BRSK2: variants seen among roughly 807,000 people sequenced by gnomAD.
BRSK2 encodes the protein BR serine/threonine kinase 2.
BRSK2 carries 19 observed loss-of-function variants against 83.3 expected under a neutral mutation model. That is an observed-to-expected ratio of 0.23 (90% confidence interval 0.16 to 0.33). BRSK2 has a LOEUF of 0.33. Among genes scored for constraint, BRSK2 ranks in the 10% least tolerant of loss-of-function variants. The probability of loss-of-function intolerance (pLI) is 1.00; values close to 1 mark genes in which losing one functional copy is unlikely to be tolerated. For missense variants in BRSK2, 798 were observed against 1,042.3 expected, an observed-to-expected ratio of 0.77 and a Z score of 3.23; for synonymous variants, 519 against 435.4, an observed-to-expected ratio of 1.19 and a Z score of -2.39.
rs566864769 is a variant in BRSK2 at position 1,414,039 on chromosome 11, G to A, written c.92-22001G>A. ...GTGATCCCCAGGGATATATAACTGC[G>A]TTTTCTCCATCTGTGCTTAGTTTAA... On this transcript the variant is annotated intron_variant, in intron 1 of 19. Coordinates refer to ENST00000528841, the MANE Select transcript of BRSK2 (RefSeq NM_001256627.2). 5.3e-5 allele frequency among the ~76,000 whole-genome samples: 8 copies of A among 152,352 alleles called. No individual in the cohort carries two copies. In the South Asian group the frequency reaches 8.3e-4, roughly 16 times the overall value.
intron 1 of BRSK2, among the ~76,000 whole-genome samples, chr11:1,410,189 C>T (rs1252381493): frequency 7.8e-4 from 73 of 93,550 alleles, no homozygotes; most frequent in African/African-American, 3.2e-3. Flanking sequence ...ACGTCGGCCT[C>T]GCAGAGTGGT....
At chr11:1,404,420 C>T (rs372085961) in intron 1 of BRSK2, among the ~76,000 whole-genome samples, 90 of 152,330 alleles carry the variant, frequency 5.9e-4, no homozygotes, top group African/African-American at 1.9e-3. Context: ...CCAGGACAGA[C>T]GTCCCTTTGG....
chr11:1,460,844 T>TGGGAG lies in BRSK2; in HGVS notation c.*123_*127dup. On this transcript the variant is annotated 3_prime_UTR_variant, in exon 20 of 20. Transcript: ENST00000528841. ...GTCCGTCCAGACTGTTCTCAGAGCC[T>TGGGAG]GGGAGGAAAGGAAAGGGGCGTTGGG... 5.8e-6 allele frequency: 9 copies of TGGGAG among 1,544,008 alleles called. No homozygotes were observed. The highest frequency in any genetic ancestry group is 7.8e-6 in the Non-Finnish European group (9 of 1,147,476).
At chr11:1,451,924 G>A (rs997915438) in intron 15 of BRSK2, among the ~76,000 whole-genome samples, 1 of 152,088 alleles carries the variant, frequency 6.6e-6, no homozygotes, top group Non-Finnish European at 1.5e-5. Context: ...TGCCCTGGGG[G>A]CCGCTGTGAC....
At chr11:1,456,959 C>A in intron 18 of BRSK2, 3 of 1,597,400 alleles carry the variant, frequency 1.9e-6, no homozygotes, top group Admixed American at 1.7e-5. Context: ...CCGTAGAACC[C>A]CCCCCACCAG....
At chr11:1,458,572 C>T (rs530170938) in intron 18 of BRSK2, among the ~76,000 whole-genome samples, 3 of 152,258 alleles carry the variant, frequency 2.0e-5, no homozygotes, top group East Asian at 1.9e-4. Flanking sequence ...CCAGAGACTG[C>T]GGCCGAGGGA....
At chr11:1,400,040 ACT>A (rs1201891025) in intron 1 of BRSK2, among the ~76,000 whole-genome samples, 14 of 152,030 alleles carry the variant, frequency 9.2e-5, no homozygotes, top group Admixed American at 7.2e-4. Context: ...TAACAGAGAA[ACT>A]CTTGAAAACC....
chr11:1,445,233 C>T, intron 9 of BRSK2, 61 bp from the exon 10 acceptor site: 2 of 1,544,218 alleles, frequency 1.3e-6, no homozygotes, highest in Admixed American at 2.0e-5. Flanking sequence ...GGCGTCCCAC[C>T]CTCGCAGCCG....
intron 18 of BRSK2, 96 bp downstream of exon 18, chr11:1,456,783 C>T (rs2133267048): frequency 7.3e-7 from 1 of 1,362,988 alleles, no homozygotes; most frequent in Non-Finnish European, 1.0e-6. Flanking sequence ...CCGGGCGCAG[C>T]CTCCTGGCCC....
intron 9 of BRSK2, 125 bp downstream of exon 9, chr11:1,445,127 G>C: frequency 6.7e-7 from 1 of 1,489,744 alleles, no homozygotes; most frequent in East Asian, 2.3e-5. Flanking sequence ...GGCCCTCCGT[G>C]GCCTGCGCTG....
intron 1 of BRSK2, among the ~76,000 whole-genome samples, chr11:1,429,224 G>A (rs918808015): frequency 2.0e-5 from 3 of 150,878 alleles, no homozygotes; most frequent in South Asian, 2.1e-4. Context: ...GTGTGTGGGC[G>A]TGTGCCCATG....
At chr11:1,459,303 C>T in intron 19 of BRSK2, 64 bp downstream of exon 19, 1 of 1,585,822 alleles carries the variant, frequency 6.3e-7, no homozygotes, top group Non-Finnish European at 8.7e-7. Context: ...CCTCAGCCCG[C>T]TGTGGCCGCC....
At position 1,451,540 on chromosome 11, in the gene BRSK2, TGCAG is replaced by T. The variant is rs1845823254; in HGVS notation, c.1544+128_1544+131del. 5.8e-6 allele frequency: 6 copies of T among 1,040,538 alleles called. No homozygotes were observed. The South Asian group carries it at 6.5e-5, about 11-fold the overall frequency. 64.5% of individuals were successfully genotyped at this position (1,040,538 alleles called of 1,614,324 possible). ...TTCTCCACGTGGCCCCACCTCCCACTGCAGGCAGGCCCGTCTCGGCCACTGAGTC... is the reference window on the plus strand; with the variant it reads ...TTCTCCACGTGGCCCCACCTCCCACTGCAGGCCCGTCTCGGCCACTGAGTC... On this transcript the variant is annotated intron_variant, in intron 15 of 19. Transcript: ENST00000528841.
rs773462632 is a variant in BRSK2, at chr11:1,456,660, G to A, written c.1912G>A (p.Asp638Asn). 6 of 1,608,066 alleles carry A rather than the reference G, an allele frequency of 3.7e-6. No homozygotes were observed. The highest frequency in any genetic ancestry group is 1.7e-5 in the Admixed American group (1 of 59,482). The stretch of plus-strand genomic sequence containing the variant: ...CCAGGCCCAGCTGCTGAGCACACAC[G>A]ACCCGCCTGCGGCCCAGCACTTGTC... ...TIQAQLLSTH[D>N]PPAAQHLSDT... Residue 638 changes from aspartate to asparagine, a missense_variant, in exon 18 of 20, where the codon GAC (aspartate) becomes AAC (asparagine). Physicochemically the swap from Asp to Asn is conservative, Grantham distance 23. Transcript: ENST00000528841.
rs896803047 is a variant in BRSK2, at chr11:1,449,602, C to T, written c.1227-174C>T. The stretch of plus-strand genomic sequence containing the variant: ...GGGCCCCAGTGGGGCTGGGCACAGC[C>T]AGGCGCCCTGGGCCCTCCTGAATTG... On this transcript the variant is annotated intron_variant, in intron 12 of 19. Transcript: ENST00000528841. 2.0e-5 allele frequency among the ~76,000 whole-genome samples: 3 copies of T among 152,156 alleles called. No individual in the cohort carries two copies. The East Asian group carries it at 5.8e-4, about 29-fold the overall frequency.
At chr11:1,395,105 C>G (rs1263358312) in intron 1 of BRSK2, among the ~76,000 whole-genome samples, 2 of 152,190 alleles carry the variant, frequency 1.3e-5, no homozygotes, top group East Asian at 1.9e-4. Flanking sequence ...CGTGGGGTGT[C>G]TGCTGCGAGA....
chr11:1,450,509 C>T (rs1182896753), intron 13 of BRSK2, 78 bp from the exon 14 acceptor site: 2 of 697,714 alleles, frequency 2.9e-6, no homozygotes, highest in Non-Finnish European at 4.8e-6. Flanking sequence ...ACCCCTGGGC[C>T]CGCCTGCCCT....
At chr11:1,435,994 G>A (rs1254056317) in intron 1 of BRSK2, 46 bp from the exon 2 acceptor site, 1 of 1,481,796 alleles carries the variant, frequency 6.7e-7, no homozygotes, top group Admixed American at 1.8e-5. Context: ...GGTGCTCGCT[G>A]CAGGCACCCT....
At chr11:1,437,401 C>T (rs1463103209) in intron 2 of BRSK2, among the ~76,000 whole-genome samples, 1 of 152,220 alleles carries the variant, frequency 6.6e-6, no homozygotes, top group Non-Finnish European at 1.5e-5. Flanking sequence ...CTGGCCCCAC[C>T]ACTGACACGG....
Sources: gnomAD v4.1 joint callset for allele counts (sites outside exome capture counted in the v4.1 genomes callset) on GRCh38, gnomAD v4.1.1 for gene constraint, MANE v1.5 for transcripts, NCBI Gene and HGNC (gene_info 2026-07-23, HGNC 2026-07-21) for gene names.